The following FANCM variants were observed in gnomAD, a reference collection of about 807,000 sequenced individuals.
FANCM encodes the protein FA complementation group M.
Under a neutral mutation model 199.5 loss-of-function variants are expected in FANCM, and 140 were observed. The ratio of observed to expected loss-of-function variants is 0.70; its 90% CI spans 0.61 to 0.81. The LOEUF (loss-of-function observed/expected upper bound fraction) is 0.81, where lower values mean the gene tolerates loss of function less well. Ranked by LOEUF, FANCM falls within the 30% of genes least tolerant of loss-of-function variation. The probability of loss-of-function intolerance (pLI) is 0.00; values close to 1 mark genes in which losing one functional copy is unlikely to be tolerated. For synonymous variants in FANCM, 840 were observed against 836.8 expected (o/e 1.00, Z -0.07); for missense variants, 2,410 against 2,421.4 (o/e 1.00, Z 0.10).
At chr14:45,189,403 C>G (rs779127215) in intron 20 of FANCM, 41 bp downstream of exon 20, 2 of 1,451,430 alleles carry the variant, frequency 1.4e-6, no homozygotes, top group Non-Finnish European at 1.9e-6. Flanking sequence ...AGATGGTTAC[C>G]AGAAGTTTTT....
At chr14:45,181,260 C>T (rs1452761459) in intron 14 of FANCM, among the ~76,000 whole-genome samples, 170 bp from the exon 15 acceptor site, 3 of 151,978 alleles carry the variant, frequency 2.0e-5, no homozygotes, top group Non-Finnish European at 4.4e-5. Flanking sequence ...TTTTTTGTCT[C>T]TTGTTTAGAT....
intron 3 of FANCM, among the ~76,000 whole-genome samples, chr14:45,146,311 C>A (rs1236068683): frequency 6.7e-6 from 1 of 149,832 alleles, no homozygotes; most frequent in African/African-American, 2.5e-5. Context: ...GAAGTGAATA[C>A]CAGGTACTGT....
At chr14:45,184,116 AC>A (rs1380222151) in intron 17 of FANCM, among the ~76,000 whole-genome samples, 3 of 151,918 alleles carry the variant, frequency 2.0e-5, no homozygotes, top group African/African-American at 7.3e-5. Context: ...GTGTTGTGTT[AC>A]TTTGAATGAA....
intron 8 of FANCM, among the ~76,000 whole-genome samples, chr14:45,158,231 A>G (rs1464196753): frequency 1.3e-5 from 2 of 152,152 alleles, no homozygotes; most frequent in Non-Finnish European, 2.9e-5. Flanking sequence ...AACCCCACAC[A>G]GTATGCAATA....
chr14:45,187,554 A>G (rs1229236311), intron 18 of FANCM, among the ~76,000 whole-genome samples: 1 of 152,184 alleles, frequency 6.6e-6, no homozygotes, highest in Non-Finnish European at 1.5e-5. Context: ...AGGGAACTTA[A>G]GTTGTCCATG....
chr14:45,176,312 T>C lies in FANCM; in HGVS notation c.3558T>C (p.Asn1186=), dbSNP rs757952471. ...FLISDELLLD[N]NSELQDQITR... ...TTTCTGATGAACTTTTGTTGGACAA[T>C]AATTCTGAACTCCAAGATCAAATCA... Residue 1186 remains asparagine (N), a synonymous_variant, in exon 14 of 23, where the codon AAT becomes AAC. Coordinates refer to ENST00000267430, the MANE Select transcript of FANCM (RefSeq NM_020937.4). 10 of 1,613,884 alleles carry C rather than the reference T, an allele frequency of 6.2e-6. No individual in the cohort carries two copies. In the South Asian group the frequency reaches 1.1e-4, roughly 18 times the overall value.
At chr14:45,184,738 AATAG>A (rs546706662) in intron 17 of FANCM, among the ~76,000 whole-genome samples, 26 of 151,662 alleles carry the variant, frequency 1.7e-4, no homozygotes, top group African/African-American at 4.6e-4. Context: ...AGAATTTTTA[AATAG>A]ATAGGTAACT....
intron 3 of FANCM, among the ~76,000 whole-genome samples, chr14:45,147,553 G>T (rs1235589507): frequency 6.6e-6 from 1 of 152,010 alleles, no homozygotes; most frequent in Non-Finnish European, 1.5e-5. Flanking sequence ...ACAGCCCTGG[G>T]ATTACACCCT....
rs760000633 is a variant in FANCM at position 45,167,120 on chromosome 14, T to C, written c.1959T>C (p.Ser653=). The change falls in exon 11 of 23, where the codon TCT becomes TCC. Residue 653 remains serine (S), a synonymous_variant. Transcript: ENST00000267430. ...THGVYEPEKP[S]RNLQRKSSIF... ...GTGTCTATGAACCAGAGAAGCCTTC[T>C]CGGAACTTGCAGCGAAAGTCATCTA... 1.9e-6 allele frequency: 3 copies of C among 1,613,806 alleles called. No homozygotes were observed. The highest frequency in any genetic ancestry group is 1.7e-5 in the Admixed American group (1 of 60,010).
chr14:45,161,552 G>A (rs938030499), intron 9 of FANCM, among the ~76,000 whole-genome samples: 7 of 152,276 alleles, frequency 4.6e-5, no homozygotes, highest in South Asian at 2.1e-4. Flanking sequence ...GCTAGGTTAG[G>A]CAGATTGCTT....
intron 20 of FANCM, 70 bp from the exon 21 acceptor site, chr14:45,196,102 C>A: frequency 6.7e-7 from 1 of 1,498,896 alleles, no homozygotes; most frequent in Non-Finnish European, 9.3e-7. Context: ...TAATCAACTT[C>A]GGGTGTGAGA....
chr14:45,198,262 G>T (rs537479169), intron 21 of FANCM, among the ~76,000 whole-genome samples: 101 of 152,204 alleles, frequency 6.6e-4, no homozygotes, highest in African/African-American at 2.3e-3. Flanking sequence ...GGTGTACAGG[G>T]TATTTGTTGA....
chr14:45,154,599 C>A, intron 6 of FANCM, 98 bp from the exon 7 acceptor site: 2 of 892,144 alleles, frequency 2.2e-6, no homozygotes, highest in Admixed American at 2.7e-5. Flanking sequence ...ACTTGAAAAA[C>A]TTACATTCAT....
intron 2 of FANCM, 119 bp downstream of exon 2, chr14:45,137,360 A>C: frequency 1.3e-6 from 1 of 780,806 alleles, no homozygotes; most frequent in East Asian, 2.6e-5. Context: ...CTTTACGTCT[A>C]TTATCTCAGA....
chr14:45,164,396 T>A lies in FANCM; in HGVS notation c.1619T>A (p.Leu540Gln). Residue 540 changes from leucine (L) to glutamine (Q), a missense_variant, in exon 10 of 23, where the codon CTG (leucine) becomes CAG (glutamine). Leu to Gln is a moderately radical substitution (Grantham distance 113, BLOSUM62 -2). Transcript: ENST00000267430. ...KQFRDGGYNT[L>Q]VSTCVGEEGL... ...TTTCGTGACGGTGGTTACAACACGC[T>A]GGTTTCTACCTGTGTGGGTGAAGAA... 6.2e-7 allele frequency: 1 copy of A among 1,613,412 alleles called. No homozygotes were observed. Among genetic ancestry groups the A allele is most frequent in the East Asian group, 2.2e-5 (1 of 44,890 alleles).
In FANCM at chr14:45,188,852, AGAG is replaced by A; in HGVS notation, c.4834_4836del (p.Glu1612del). On this transcript the variant is annotated inframe_deletion, in exon 20 of 23. Coordinates refer to ENST00000267430, the MANE Select transcript of FANCM (RefSeq NM_020937.4). Reference sequence around the variant, plus strand: ...TAGAGGATAGTTTTTGTGTTGATGAAGAGGAGTCTTGCAAAGGCCAATCAAGTG... The same window carrying A: ...TAGAGGATAGTTTTTGTGTTGATGAAGAGTCTTGCAAAGGCCAATCAAGTG... The A allele has an allele frequency of 6.2e-7, 1 of 1,613,636 alleles. No individual in the cohort carries two copies. Among genetic ancestry groups the A allele is most frequent in the Non-Finnish European group, 8.5e-7 (1 of 1,179,878 alleles).
chr14:45,138,337 T>C (rs1885670299), intron 2 of FANCM, among the ~76,000 whole-genome samples: 1 of 152,178 alleles, frequency 6.6e-6, no homozygotes, highest in African/African-American at 2.4e-5. Flanking sequence ...AGTTTTTGAA[T>C]TTGTATAGTC....
At chr14:45,163,316 G>A (rs1454727488) in intron 9 of FANCM, among the ~76,000 whole-genome samples, 1 of 152,194 alleles carries the variant, frequency 6.6e-6, no homozygotes, top group Non-Finnish European at 1.5e-5. Context: ...ACTTAGTTTG[G>A]TACCTGGCAC....
intron 3 of FANCM, among the ~76,000 whole-genome samples, chr14:45,143,263 C>A (rs1886105868): frequency 6.6e-6 from 1 of 151,506 alleles, no homozygotes; most frequent in South Asian, 2.1e-4. Context: ...ATTTCCCAGG[C>A]TCAGGTGGTT....
Sources: gnomAD v4.1 joint callset for allele counts (sites outside exome capture counted in the v4.1 genomes callset) on GRCh38, gnomAD v4.1.1 for gene constraint, MANE v1.5 for transcripts, NCBI Gene and HGNC (gene_info 2026-07-23, HGNC 2026-07-21) for gene names.